RMC1: variants seen among roughly 807,000 people sequenced by gnomAD.
The protein encoded by RMC1 is regulator of MON1-CCZ1.
A neutral mutation model predicts 95.5 loss-of-function variants in RMC1; 44 were observed. That is an observed-to-expected ratio of 0.46 (90% confidence interval 0.36 to 0.59). The LOEUF (loss-of-function observed/expected upper bound fraction) is 0.59, where lower values mean the gene tolerates loss of function less well. RMC1 is among the 20% of genes least tolerant of loss of function. The pLI is 0.00. For synonymous variants in RMC1, 320 were observed against 303.6 expected, an observed-to-expected ratio of 1.05 and a Z score of -0.56; for missense variants, 705 against 819.6, an observed-to-expected ratio of 0.86 and a Z score of 1.71.
At position 23,516,471 on chromosome 18, in the gene RMC1, T is replaced by C. The variant is rs1345706840; in HGVS notation, c.653+48T>C. 4 of 1,576,822 alleles carry C rather than the reference T, an allele frequency of 2.5e-6. No homozygotes were observed. The African/African-American group carries it at 5.4e-5, about 21-fold the overall frequency. Reference sequence around the variant, plus strand: ...TCCATCCTGTGATTGCTTTCAGTAATATAAATAATAGAAGGAGTGTGTTAC... The same window carrying C: ...TCCATCCTGTGATTGCTTTCAGTAACATAAATAATAGAAGGAGTGTGTTAC... On this transcript the variant is annotated intron_variant, in intron 7 of 19. Coordinates refer to ENST00000269221, the MANE Select transcript of RMC1 (RefSeq NM_013326.5).
intron 3 of RMC1, among the ~76,000 whole-genome samples, chr18:23,507,598 G>A (rs1413793250): frequency 1.3e-5 from 2 of 152,168 alleles, no homozygotes; most frequent in Admixed American, 1.3e-4. Flanking sequence ...CGTTTGTAGA[G>A]TAGAGGGAAG....
chr18:23,527,874 C>G lies in RMC1; in HGVS notation c.1269C>G (p.Tyr423Ter). 1.2e-6 allele frequency: 2 copies of G among 1,613,944 alleles called. No individual in the cohort carries two copies. The highest frequency in any genetic ancestry group is 1.7e-6 in the Non-Finnish European group (2 of 1,179,960). ...FDKLNHEYKKYLDAEQSYAMA... is the reference protein window; with the variant it reads ...FDKLNHEYKK Reference sequence around the variant, plus strand: ...AACTCAACCATGAGTATAAAAAGTACCTGGATGCCGAGCAGAGTTATGCGA... The same window carrying G: ...AACTCAACCATGAGTATAAAAAGTAGCTGGATGCCGAGCAGAGTTATGCGA... The change falls in exon 14 of 20, where the codon TAC becomes TAG. Residue 423 changes from tyrosine (Y) to a stop codon, truncating the protein, a stop_gained. Transcript: ENST00000269221. LOFTEE classifies it high-confidence loss of function.
At chr18:23,514,434 A>G (rs1598862637) in intron 5 of RMC1, among the ~76,000 whole-genome samples, 1 of 152,266 alleles carries the variant, frequency 6.6e-6, no homozygotes, top group African/African-American at 2.4e-5. Context: ...GTGGGCGCCT[A>G]TAATCCCAGT....
chr18:23,511,477 TAAAAC>T (rs566670715), intron 5 of RMC1, among the ~76,000 whole-genome samples: 221 of 152,228 alleles, frequency 1.5e-3, no homozygotes, highest in Non-Finnish European at 2.6e-3. Flanking sequence ...ACCTAAAAGT[TAAAAC>T]AAAAAACATT....
At chr18:23,523,574 A>G (rs1250570627) in intron 10 of RMC1, among the ~76,000 whole-genome samples, 2 of 150,758 alleles carry the variant, frequency 1.3e-5, no homozygotes, top group African/African-American at 2.4e-5. Context: ...AAAAAAGAAA[A>G]AAAGTTAGGG....
Position 23,527,870 on chromosome 18 carries a change from A to C in RMC1, c.1265A>C (p.Lys422Thr). Residue 422 changes from lysine (K) to threonine (T), a missense_variant, in exon 14 of 20, where the codon AAG (lysine) becomes ACG (threonine). Transcript: ENST00000269221. ...VFDKLNHEYK[K>T]YLDAEQSYAM... ...GATAAACTCAACCATGAGTATAAAA[A>C]GTACCTGGATGCCGAGCAGAGTTAT... The C allele has an allele frequency of 1.2e-6, 2 of 1,614,162 alleles. No homozygotes were observed. Among genetic ancestry groups the C allele is most frequent in the Non-Finnish European group, 1.7e-6 (2 of 1,180,026 alleles).
Position 23,529,182 on chromosome 18 carries a change from G to T in RMC1, c.1300G>T (p.Val434Leu). ...GTTTGTGGTTTTTTTCTTTCAGGCG[G>T]TGGAAGCAGGGCAGAGCCGAAGCAG... ...LDAEQSYAMA[V>L]EAGQSRSSPL... The change falls in exon 15 of 20, where the codon GTG becomes TTG. Residue 434 changes from valine (V) to leucine (L), a missense_variant. By Grantham distance (32) the Val-to-Leu change is conservative. Transcript: ENST00000269221. 1 of 1,609,310 alleles carries T rather than the reference G, an allele frequency of 6.2e-7. No individual in the cohort carries two copies. The highest frequency in any genetic ancestry group is 1.1e-5 in the South Asian group (1 of 90,370).
chr18:23,530,938 T>TTTAAAGGGTCTGGGGC (rs2058480361), intron 19 of RMC1, among the ~76,000 whole-genome samples: 1 of 152,182 alleles, frequency 6.6e-6, no homozygotes. Flanking sequence ...GGCTAAGGGT[T>TTTAAAGGGTCTGGGGC]TTAAAGGGTC....
At chr18:23,522,098 C>T (rs1016444348) in intron 10 of RMC1, among the ~76,000 whole-genome samples, 5 of 152,212 alleles carry the variant, frequency 3.3e-5, no homozygotes, top group Non-Finnish European at 5.9e-5. Context: ...GAAAGTTCAG[C>T]AAGAGCACCA....
chr18:23,524,941 CTTTTTTT>C (rs5823396), intron 12 of RMC1, among the ~76,000 whole-genome samples: 1 of 69,216 alleles, frequency 1.4e-5, no homozygotes, highest in African/African-American at 5.9e-5. Context: ...TTAGAGAAAT[CTTTTTTT>C]TTTTTTTTTT....
chr18:23,506,553 C>T lies in RMC1; in HGVS notation c.180-417C>T, dbSNP rs144610056. ...TTCACTTTTTAACATCTGTCTGAGG[C>T]GGTCATGAGACACTGTAGTGGAGCC... On this transcript the variant is annotated intron_variant, in intron 2 of 19. Coordinates refer to ENST00000269221, the MANE Select transcript of RMC1 (RefSeq NM_013326.5). 615 of 180,818 alleles carry T rather than the reference C, an allele frequency of 3.4e-3. 7 individuals carry two copies. Among genetic ancestry groups the T allele is most frequent in the African/African-American group, 0.014 (585 of 41,704 alleles). The allele number at this position is 180,818 out of a possible 1,614,324, so 11.2% of individuals were successfully genotyped here.
In RMC1 at chr18:23,527,827, G is replaced by A. The variant is rs1321939725; in HGVS notation, c.1222G>A (p.Val408Met). 3.1e-6 allele frequency: 5 copies of A among 1,613,940 alleles called. No homozygotes were observed. Among genetic ancestry groups the A allele is most frequent in the Middle Eastern group, 1.6e-4 (1 of 6,084 alleles). The part of the protein sequence containing the change: ...LSESDRASLP[V>M]IATVFDKLNH... ...TGAGTCAGACAGAGCATCGCTGCCCGTGATAGCCACTGTTTTTGATAAACT... is the reference window on the plus strand; with the variant it reads ...TGAGTCAGACAGAGCATCGCTGCCCATGATAGCCACTGTTTTTGATAAACT... Residue 408 changes from valine to methionine, a missense_variant, in exon 14 of 20, where the codon GTG becomes ATG. Transcript: ENST00000269221.
chr18:23,531,028 T>G (rs2058485380), intron 19 of RMC1, among the ~76,000 whole-genome samples: 1 of 152,148 alleles, frequency 6.6e-6, no homozygotes. Context: ...AGAGTCTCGC[T>G]CCGTTGCCCA....
At position 23,507,191 on chromosome 18, in the gene RMC1, T is replaced by TAA. The variant is rs1267189521; in HGVS notation, c.264+137_264+138insAA. On this transcript the variant is annotated intron_variant, in intron 3 of 19. Transcript: ENST00000269221. The stretch of plus-strand genomic sequence containing the variant: ...AAAGGTATAGTTATGTTGCATTGTA[T>TAA]TAGAGCCTTCAAAAACGAAAAAGAC... The TAA allele has an allele frequency of 9.8e-6, 5 of 509,540 alleles. No individual in the cohort carries two copies. The African/African-American group carries it at 1.0e-4, about 10-fold the overall frequency. 31.6% of individuals were successfully genotyped at this position (509,540 alleles called of 1,614,324 possible).
At chr18:23,528,418 T>C (rs2058372915) in intron 14 of RMC1, 1 of 154,172 alleles carries the variant, frequency 6.5e-6, no homozygotes, top group African/African-American at 2.4e-5. Context: ...GTATTACTTG[T>C]ACATCATATC....
At chr18:23,527,223 C>CCAA (rs1309036244) in intron 13 of RMC1, among the ~76,000 whole-genome samples, 1 of 43,650 alleles carries the variant, frequency 2.3e-5, no homozygotes, top group Non-Finnish European at 5.2e-5. Flanking sequence ...CCTGTCTCTA[C>CCAA]AAAAAAAAAA....
rs541483038 is a variant in RMC1 at position 23,513,951 on chromosome 18, A to G, written c.409-1905A>G. ...CTTCTTAGAGATACAATTTGCAAGT[A>G]TTTTCTCCGAATCCGGAGGTTGCCT... On this transcript the variant is annotated intron_variant, in intron 5 of 19. Transcript: ENST00000269221. 1.6e-4 allele frequency among the ~76,000 whole-genome samples: 24 copies of G among 152,234 alleles called. No individual in the cohort carries two copies. In the South Asian group the frequency reaches 5.0e-3, roughly 32 times the overall value.
At chr18:23,506,677 C>T (rs570559123) in intron 2 of RMC1, 4 of 279,676 alleles carry the variant, frequency 1.4e-5, no homozygotes, top group South Asian at 3.5e-5. Flanking sequence ...GGAGAAGGCT[C>T]CTGAGCGGGT....
chr18:23,529,073 C>T (rs1322983388), intron 14 of RMC1, 106 bp from the exon 15 acceptor site: 17 of 1,495,720 alleles, frequency 1.1e-5, no homozygotes, highest in Non-Finnish European at 1.4e-5. Flanking sequence ...GTTTTCCGCT[C>T]ATATCCTGGG....
Sources: gnomAD v4.1 joint callset for allele counts (sites outside exome capture counted in the v4.1 genomes callset) on GRCh38, gnomAD v4.1.1 for gene constraint, MANE v1.5 for transcripts, NCBI Gene and HGNC (gene_info 2026-07-23, HGNC 2026-07-21) for gene names.